Variants in FLT4 observed in about 807,000 individuals in gnomAD.
The protein encoded by FLT4 is vascular endothelial growth factor receptor 3.
In FLT4, 30 loss-of-function variants were observed where a neutral mutation model predicts 163.2. The observed-to-expected ratio is 0.18, with a 90% CI of 0.14 to 0.25. The LOEUF (loss-of-function observed/expected upper bound fraction) is 0.25, where lower values mean the gene tolerates loss of function less well. FLT4 is among the 10% of genes least tolerant of loss of function. The pLI, the probability that FLT4 is intolerant of heterozygous loss-of-function variation, is 1.00. For missense variants in FLT4, 1,510 were observed against 1,863.8 expected (o/e 0.81, Z 3.50); for synonymous variants, 884 against 789.5 (o/e 1.12, Z -2.01).
At chr5:180,607,170 C>G (rs1318979131) in intron 29 of FLT4, among the ~76,000 whole-genome samples, 1 of 152,198 alleles carries the variant, frequency 6.6e-6, no homozygotes, top group Admixed American at 6.5e-5. Context: ...TTTCAACATT[C>G]AAAATGGCCA....
chr5:180,616,552 C>A (rs767911635), intron 22 of FLT4, 63 bp from the exon 23 acceptor site: 3 of 1,596,286 alleles, frequency 1.9e-6, no homozygotes, highest in Non-Finnish European at 2.6e-6. Context: ...TACCCACACC[C>A]GAAACTCCAG....
chr5:180,649,459 C>T (rs1458526694), intron 1 of FLT4, 29 bp downstream of exon 1: 24 of 1,447,452 alleles, frequency 1.7e-5, no homozygotes, highest in African/African-American at 3.0e-5. Flanking sequence ...GCCCCACGCT[C>T]GGGCGGGTGG....
chr5:180,643,745 C>G (rs1300975742), intron 1 of FLT4, among the ~76,000 whole-genome samples: 1 of 152,208 alleles, frequency 6.6e-6, no homozygotes, highest in Admixed American at 6.5e-5. Flanking sequence ...CCCAGCGTCT[C>G]ACACCGAGGC....
intron 6 of FLT4, 38 bp from the exon 7 acceptor site, chr5:180,629,465 G>A (rs2127834747): frequency 6.2e-7 from 1 of 1,605,560 alleles, no homozygotes; most frequent in East Asian, 2.2e-5. Context: ...CAGCAGGCGG[G>A]CTCCTGCACA....
chr5:180,606,953 C>T (rs28407656), intron 29 of FLT4, among the ~76,000 whole-genome samples: 33,386 of 151,406 alleles, frequency 0.22, 4,139 homozygotes, highest in Middle Eastern at 0.34. Flanking sequence ...TGGCACACGC[C>T]TATAATCCCA....
In FLT4 at chr5:180,611,400, G is replaced by A. The variant is rs1278571395; in HGVS notation, c.3617C>T (p.Ala1206Val). 5 of 1,613,936 alleles carry A rather than the reference G, an allele frequency of 3.1e-6. No individual in the cohort carries two copies. Among genetic ancestry groups the A allele is most frequent in the African/African-American group, 1.3e-5 (1 of 74,910 alleles). The change falls in exon 27 of 30, where the codon GCC becomes GTC. Residue 1206 changes from alanine to valine, a missense_variant. Physicochemically the swap from Ala to Val is moderately conservative, Grantham distance 64 (BLOSUM62 0). This residue lies in a region of FLT4 where 295 missense variants were observed against 311.0 expected (regional missense o/e 0.95). Coordinates refer to ENST00000261937, the MANE Select transcript of FLT4 (RefSeq NM_182925.5). ...AGCGTCAGCCTGGGCGATGTGTAGG[G>A]CCATGGTGGACACCTGCGAGAAGCT... ...EGSFSQVSTM[A>V]LHIAQADAED... is the part of the protein sequence containing the mutation.
intron 29 of FLT4, among the ~76,000 whole-genome samples, chr5:180,604,627 C>T (rs1462877220): frequency 6.6e-6 from 1 of 152,172 alleles, no homozygotes; most frequent in Non-Finnish European, 1.5e-5. Flanking sequence ...TCTGCCCCTG[C>T]CCTCCTCTCT....
chr5:180,630,789 G>A lies in FLT4; in HGVS notation c.166C>T (p.Pro56Ser). ...GCTCCTGGCCAAGCCCACTCGAGGG[G>A]GTGCTGTCCCCTGGCAGAGGACAGG... is the stretch of plus-strand genomic sequence containing the variant. ...SLSISCRGQH[P>S]LEWAWPGAQE... Residue 56 changes from proline to serine, a missense_variant, in exon 3 of 30, where the codon CCC becomes TCC. Pro to Ser is a moderately conservative substitution (Grantham distance 74). Coordinates refer to ENST00000261937, the MANE Select transcript of FLT4 (RefSeq NM_182925.5). This position sits in a 1 kb window ranked among gnomAD's most constrained non-coding sequence, Gnocchi z 6.3. The A allele has an allele frequency of 6.2e-7, 1 of 1,603,660 alleles. No homozygotes were observed. The highest frequency in any genetic ancestry group is 8.5e-7 in the Non-Finnish European group (1 of 1,178,708).
chr5:180,643,982 C>T (rs1412877237), intron 1 of FLT4, among the ~76,000 whole-genome samples: 2 of 152,168 alleles, frequency 1.3e-5, no homozygotes, highest in African/African-American at 4.8e-5. Flanking sequence ...CCACCGCACG[C>T]AGCTAATTTT....
chr5:180,603,001 G>A lies in FLT4; in HGVS notation c.*191C>T, dbSNP rs1048303244. The A allele has an allele frequency of 2.5e-5, 16 of 634,714 alleles. No homozygotes were observed. Among genetic ancestry groups the A allele is most frequent in the African/African-American group, 1.6e-4 (9 of 54,956 alleles). 39.3% of individuals were successfully genotyped at this position (634,714 alleles called of 1,614,324 possible). Reference sequence around the variant, plus strand: ...AGCTGGAGCGTGGCCCTGGCCAGTCGTGGTGACGGAATTCCGGGAGCCTTG... The same window carrying A: ...AGCTGGAGCGTGGCCCTGGCCAGTCATGGTGACGGAATTCCGGGAGCCTTG... On this transcript the variant is annotated 3_prime_UTR_variant, in exon 30 of 30. Transcript: ENST00000261937.
In FLT4 at chr5:180,601,687, G is replaced by A. The variant is rs1184227458; in HGVS notation, c.*1505C>T. 1 of 233,186 alleles carries A rather than the reference G, an allele frequency of 4.3e-6. No homozygotes were observed. The highest frequency in any genetic ancestry group is 8.5e-6 in the Non-Finnish European group (1 of 118,084). The allele number at this position is 233,186 out of a possible 1,614,324, so 14.4% of individuals were successfully genotyped here. A position where few individuals can be genotyped will look rare whatever the true frequency, so the allele number is the denominator to read the frequency against. On this transcript the variant is annotated 3_prime_UTR_variant, in exon 30 of 30. Coordinates refer to ENST00000261937, the MANE Select transcript of FLT4 (RefSeq NM_182925.5). ...AGGAGCCAGGCTGGTTCTCTGCAGA[G>A]AACAACCTCCAGATCCTCCCAGGGA...
intron 27 of FLT4, 28 bp downstream of exon 27, chr5:180,611,303 C>T (rs2127790889): frequency 6.2e-7 from 1 of 1,613,278 alleles, no homozygotes; most frequent in Non-Finnish European, 8.5e-7. Flanking sequence ...TTCTCCCACC[C>T]TACTCCTGGA....
chr5:180,632,689 T>C (rs1363435315), intron 1 of FLT4, among the ~76,000 whole-genome samples: 1 of 152,168 alleles, frequency 6.6e-6, no homozygotes, highest in Non-Finnish European at 1.5e-5. Context: ...TGTGTGAGTC[T>C]GTGTGTGCCT....
In FLT4 at chr5:180,626,621, C is replaced by G. The variant is rs79943920; in HGVS notation, c.1104-356G>C. Among the ~76,000 whole-genome samples the G allele has an allele frequency of 1.5e-3, 235 of 152,338 alleles. 2 individuals are homozygous for G. The East Asian group carries it at 0.023, about 15-fold the overall frequency. On this transcript the variant is annotated intron_variant, in intron 8 of 29. Transcript: ENST00000261937. ...CCTGCCTGTGGCTGCAGACAGCCTT[C>G]TTCAGCCAGGCTTGCCCAGCCCAGC...
chr5:180,638,135 C>T (rs1020953393), intron 1 of FLT4, among the ~76,000 whole-genome samples: 4 of 152,192 alleles, frequency 2.6e-5, no homozygotes, highest in South Asian at 2.1e-4. Flanking sequence ...TGCTGGCCAC[C>T]GCCGTCTCTC....
chr5:180,640,587 G>C (rs1393811269), intron 1 of FLT4, among the ~76,000 whole-genome samples: 1 of 152,238 alleles, frequency 6.6e-6, no homozygotes, highest in Non-Finnish European at 1.5e-5. Flanking sequence ...TGCCCTAGTT[G>C]GCTGAGGGCA....
intron 1 of FLT4, among the ~76,000 whole-genome samples, chr5:180,643,658 C>T (rs925122265): frequency 6.6e-5 from 10 of 152,132 alleles, no homozygotes; most frequent in African/African-American, 1.4e-4. Context: ...CCACCCGGTG[C>T]GGCTCCAGAC....
At chr5:180,625,442 C>T (rs767841336) in intron 10 of FLT4, among the ~76,000 whole-genome samples, 3 of 152,222 alleles carry the variant, frequency 2.0e-5, no homozygotes, top group Non-Finnish European at 4.4e-5. Context: ...CCCATGAGCA[C>T]ACATGGTGTG....
At chr5:180,608,213 T>G in intron 29 of FLT4, 2 of 700,764 alleles carry the variant, frequency 2.9e-6, no homozygotes, top group Non-Finnish European at 5.2e-6. Context: ...TCTTAAAGTC[T>G]TTGATCTTTC....
Sources: allele counts gnomAD v4.1 joint callset (sites outside exome capture counted in the v4.1 genomes callset), GRCh38; gene constraint gnomAD v4.1.1; regional missense constraint gnomAD v4.1.1; non-coding constraint Gnocchi (gnomAD v3.1); transcripts MANE v1.5; gene names NCBI Gene and HGNC (gene_info 2026-07-23, HGNC 2026-07-21).